Variants in PPFIA1 observed in about 807,000 individuals in gnomAD.
PPFIA1 encodes PPFI scaffold protein A1, also known as liprin-alpha-1.
PPFIA1 carries 25 observed loss-of-function variants against 149.9 expected under a neutral mutation model. The ratio of observed to expected loss-of-function variants is 0.17; its 90% CI spans 0.12 to 0.23. The LOEUF (loss-of-function observed/expected upper bound fraction) is 0.23. Among genes scored for constraint, PPFIA1 ranks in the 10% least tolerant of loss-of-function variants. The pLI is 1.00. For synonymous variants in PPFIA1, 549 were observed against 552.8 expected (o/e 0.99, Z 0.10); for missense variants, 1,362 against 1,506.5 (o/e 0.90, Z 1.59).
chr11:70,272,159 T>C lies in PPFIA1; in HGVS notation c.1-14T>C. On this transcript the variant is annotated splice_polypyrimidine_tract_variant and intron_variant, in intron 1 of 27. Transcript: ENST00000253925. ...CTGAGCTTAATTACTGTAGCCTGGG[T>C]CTTTCATTTCAAGATGATGTGCGAG... 1.2e-6 allele frequency: 2 copies of C among 1,611,694 alleles called. No homozygotes were observed. Among genetic ancestry groups the C allele is most frequent in the Non-Finnish European group, 1.7e-6 (2 of 1,179,366 alleles).
At chr11:70,297,223 A>G (rs1415245803) in intron 2 of PPFIA1, among the ~76,000 whole-genome samples, 2 of 152,098 alleles carry the variant, frequency 1.3e-5, no homozygotes, top group Non-Finnish European at 2.9e-5. Flanking sequence ...AGCCTGAGCA[A>G]CATAGCAGGA....
intron 12 of PPFIA1, 47 bp from the exon 13 acceptor site, chr11:70,338,327 A>C: frequency 6.8e-7 from 1 of 1,476,562 alleles, no homozygotes; most frequent in Non-Finnish European, 9.5e-7. Flanking sequence ...AGTGGTTTTA[A>C]AATCTAAAAG....
Position 70,326,710 on chromosome 11 carries a change from T to G in PPFIA1, c.822T>G (p.Ala274=). 1.2e-6 allele frequency: 2 copies of G among 1,613,426 alleles called. No homozygotes were observed. The highest frequency in any genetic ancestry group is 1.7e-6 in the Non-Finnish European group (2 of 1,179,338). Residue 274 remains alanine, a synonymous_variant, in exon 7 of 28, where the codon GCT becomes GCG. Coordinates refer to ENST00000253925, the MANE Select transcript of PPFIA1 (RefSeq NM_003626.5). ...AGAGCCAAATGAAAGAACGCCTGGC[T>G]TCCCTTTCCAGTCATGTGACAGAAC... ...REQSQMKERL[A]SLSSHVTELE...
intron 10 of PPFIA1, among the ~76,000 whole-genome samples, 189 bp downstream of exon 10, chr11:70,333,742 T>C (rs655130): frequency 0.96 from 146,586 of 152,268 alleles, 70,614 homozygotes; most frequent in East Asian, 1. Context: ...ACACAGTAGT[T>C]GTTTTCAGTC....
chr11:70,354,065 A>G, intron 16 of PPFIA1: 1 of 456,506 alleles, frequency 2.2e-6, no homozygotes, highest in Non-Finnish European at 3.9e-6. Context: ...GATGAGGGGC[A>G]TACCTGTGTC....
chr11:70,312,565 A>C (rs1406696214), intron 2 of PPFIA1, among the ~76,000 whole-genome samples: 1 of 152,190 alleles, frequency 6.6e-6, no homozygotes, highest in Non-Finnish European at 1.5e-5. Context: ...GGTGAGGCCC[A>C]GGAGTCTGCA....
intron 2 of PPFIA1, among the ~76,000 whole-genome samples, chr11:70,321,776 G>A (rs567786824): frequency 2.6e-5 from 4 of 152,330 alleles, no homozygotes; most frequent in Admixed American, 1.3e-4. Context: ...AGATGGAGGG[G>A]CACAATGATA....
At chr11:70,328,700 A>G (rs2054471077) in intron 7 of PPFIA1, among the ~76,000 whole-genome samples, 1 of 151,952 alleles carries the variant, frequency 6.6e-6, no homozygotes, top group South Asian at 2.1e-4. Flanking sequence ...CAAGAGCAGG[A>G]AAACATTCCT....
chr11:70,377,220 G>C (rs148151975), intron 25 of PPFIA1, among the ~76,000 whole-genome samples: 1 of 152,178 alleles, frequency 6.6e-6, no homozygotes, highest in African/African-American at 2.4e-5. Context: ...CTTAGGAACA[G>C]AGTCTGTAAG....
chr11:70,351,747 G>C (rs1421037470), intron 16 of PPFIA1, among the ~76,000 whole-genome samples: 1 of 152,156 alleles, frequency 6.6e-6, no homozygotes, highest in Non-Finnish European at 1.5e-5. Flanking sequence ...CTAAAGCTTA[G>C]AGAGGCCCCA....
intron 2 of PPFIA1, among the ~76,000 whole-genome samples, 175 bp downstream of exon 2, chr11:70,272,611 A>G (rs1260143135): frequency 6.6e-6 from 1 of 152,176 alleles, no homozygotes; most frequent in African/African-American, 2.4e-5. Context: ...TCTTAGGGAG[A>G]ACAAATCGTT....
At chr11:70,362,841 G>T in intron 21 of PPFIA1, 1 of 176,072 alleles carries the variant, frequency 5.7e-6, no homozygotes, top group Non-Finnish European at 1.2e-5. Flanking sequence ...GCCCAGGCTG[G>T]TCTTGCACTC....
Position 70,296,366 on chromosome 11 carries a change from C to T in PPFIA1, c.264+23930C>T, listed in dbSNP as rs1268602782. On this transcript the variant is annotated intron_variant, in intron 2 of 27. Coordinates refer to ENST00000253925, the MANE Select transcript of PPFIA1 (RefSeq NM_003626.5). ...TGGAGGTTGTAGCGAGCCGAGATCA[C>T]GCCACTGCACTCCAGCCTGGGCACC... Among the ~76,000 whole-genome samples the T allele has an allele frequency of 2.6e-5, 4 of 152,198 alleles. No homozygotes were observed. In the South Asian group the frequency reaches 6.2e-4, roughly 24 times the overall value.
chr11:70,331,927 G>A, intron 8 of PPFIA1, 33 bp from the exon 9 acceptor site: 1 of 1,586,618 alleles, frequency 6.3e-7, no homozygotes, highest in South Asian at 1.2e-5. Context: ...TAGAAGATTT[G>A]TTGCATTTTG....
intron 2 of PPFIA1, among the ~76,000 whole-genome samples, chr11:70,304,024 A>G (rs2052679166): frequency 6.6e-6 from 1 of 152,160 alleles, no homozygotes; most frequent in Non-Finnish European, 1.5e-5. Flanking sequence ...AAGACAAAAA[A>G]AAAAGAAAAA....
intron 2 of PPFIA1, among the ~76,000 whole-genome samples, chr11:70,306,869 A>C (rs999065714): frequency 6.6e-6 from 1 of 152,224 alleles, no homozygotes; most frequent in Non-Finnish European, 1.5e-5. Context: ...AAAACCCCTG[A>C]GCCTTCTTTG....
intron 24 of PPFIA1, 67 bp from the exon 25 acceptor site, chr11:70,376,465 T>C: frequency 6.8e-7 from 1 of 1,471,770 alleles, no homozygotes; most frequent in Non-Finnish European, 9.5e-7. Flanking sequence ...AAAAAACAAT[T>C]ACGATGCTAA....
In PPFIA1 at chr11:70,298,405, T is replaced by A. The variant is rs2052235947; in HGVS notation, c.264+25969T>A. On this transcript the variant is annotated intron_variant, in intron 2 of 27. Transcript: ENST00000253925. ...AGAAATACTTGTTCCTGAAACAGTTTGATGATGAATTAGGAGACTGCTTAA... is the reference window on the plus strand; with the variant it reads ...AGAAATACTTGTTCCTGAAACAGTTAGATGATGAATTAGGAGACTGCTTAA... 3.9e-5 allele frequency among the ~76,000 whole-genome samples: 6 copies of A among 152,212 alleles called. No individual in the cohort carries two copies. The South Asian group carries it at 1.2e-3, about 32-fold the overall frequency.
At chr11:70,339,370 A>G in intron 14 of PPFIA1, 64 bp downstream of exon 14, 2 of 1,552,056 alleles carry the variant, frequency 1.3e-6, no homozygotes. Context: ...CGTGGCTTTC[A>G]GACTACTTTG....
Sources: allele counts gnomAD v4.1 joint callset (sites outside exome capture counted in the v4.1 genomes callset), GRCh38; gene constraint gnomAD v4.1.1; transcripts MANE v1.5; gene names NCBI Gene and HGNC (gene_info 2026-07-23, HGNC 2026-07-21).